The following TMUB1 variants were observed in gnomAD, a reference collection of about 807,000 sequenced individuals.
The protein encoded by TMUB1 is transmembrane and ubiquitin-like domain-containing protein 1.
A neutral mutation model predicts 16.2 loss-of-function variants in TMUB1; 9 were observed. The ratio of observed to expected loss-of-function variants is 0.55; its 90% CI spans 0.33 to 0.97. TMUB1 has a LOEUF of 0.97. Among genes scored for constraint, TMUB1 ranks in the 50% least tolerant of loss-of-function variants. The pLI is 0.03. For missense variants in TMUB1, 309 were observed against 313.5 expected (o/e 0.99, Z 0.11); for synonymous variants, 155 against 152.2 (o/e 1.02, Z -0.13).
In TMUB1 at chr7:151,082,624, G is replaced by A. The variant is rs893442744; in HGVS notation, c.-30-31C>T. 25 of 1,444,532 alleles carry A rather than the reference G, an allele frequency of 1.7e-5. No individual in the cohort carries two copies. In the Admixed American group the frequency reaches 3.5e-4, roughly 20 times the overall value. 89.5% of individuals were successfully genotyped at this position (1,444,532 alleles called of 1,614,324 possible). Reference sequence around the variant, plus strand: ...GAGGCACAAAGAGCCCGTGAGGCCCGGGCCCCCTGGCCAGGAGCCCTGGAA... The same window carrying A: ...GAGGCACAAAGAGCCCGTGAGGCCCAGGCCCCCTGGCCAGGAGCCCTGGAA... On this transcript the variant is annotated intron_variant, in intron 1 of 2. Coordinates refer to ENST00000297533, the MANE Select transcript of TMUB1 (RefSeq NM_001136044.2). This position sits in a 1 kb window ranked among gnomAD's most constrained non-coding sequence, Gnocchi z 7.0.
rs376064427 is a variant in TMUB1, at chr7:151,081,807, G to C, written c.483C>G (p.Leu161=). ...DDTQTLGSLH[L]PPNCVLHCHV... is the part of the protein sequence containing the mutation. Reference sequence around the variant, plus strand: ...GGCAGTGGAGAACGCAGTTGGGAGGGAGGTGAAGGCTGCCCAGGGTCTGGG... The same window carrying C: ...GGCAGTGGAGAACGCAGTTGGGAGGCAGGTGAAGGCTGCCCAGGGTCTGGG... The change falls in exon 3 of 3, where the codon CTC becomes CTG. Residue 161 remains leucine (L), a synonymous_variant. Coordinates refer to ENST00000297533, the MANE Select transcript of TMUB1 (RefSeq NM_001136044.2). This position sits in a 1 kb window ranked among gnomAD's most constrained non-coding sequence, Gnocchi z 7.6. 2 of 1,577,072 alleles carry C rather than the reference G, an allele frequency of 1.3e-6. No homozygotes were observed. The highest frequency in any genetic ancestry group is 8.6e-7 in the Non-Finnish European group (1 of 1,160,042).
rs373854929 is a variant in TMUB1, at chr7:151,082,525, G to A, written c.39C>T (p.Val13=). 116 of 1,536,400 alleles carry A rather than the reference G, an allele frequency of 7.6e-5. No individual in the cohort carries two copies. Among genetic ancestry groups the A allele is most frequent in the Non-Finnish European group, 9.7e-5 (111 of 1,140,732 alleles). Reference sequence around the variant, plus strand: ...GAAGGCAGGCAAGCACCGAGAAAAGGACGGTCACCTCATCACCCACCCCTT... The same window carrying A: ...GAAGGCAGGCAAGCACCGAGAAAAGAACGGTCACCTCATCACCCACCCCTT... ...LIEGVGDEVT[V]LFSVLACLLV... is the part of the protein sequence containing the mutation. The change falls in exon 2 of 3, where the codon GTC becomes GTT. Residue 13 remains valine, a synonymous_variant. Transcript: ENST00000297533. This position sits in a 1 kb window ranked among gnomAD's most constrained non-coding sequence, Gnocchi z 7.0.
At position 151,082,759 on chromosome 7, in the gene TMUB1, C is replaced by T; in HGVS notation, c.-30-166G>A. On this transcript the variant is annotated intron_variant, in intron 1 of 2. Coordinates refer to ENST00000297533, the MANE Select transcript of TMUB1 (RefSeq NM_001136044.2). The surrounding 1 kb of genome is among the most constrained non-coding windows in gnomAD (Gnocchi z 7.0). ...TTCTCTGCCTCCCAGTCGCCCCAAA[C>T]TTGCCTCCGGGTGCCCCTTCCCATC... is the stretch of plus-strand genomic sequence containing the variant. 3 of 483,990 alleles carry T rather than the reference C, an allele frequency of 6.2e-6. No individual in the cohort carries two copies. The highest frequency in any genetic ancestry group is 1.0e-5 in the Non-Finnish European group (3 of 299,698). 30.0% of individuals were successfully genotyped at this position (483,990 alleles called of 1,614,324 possible). A position where few individuals can be genotyped will look rare whatever the true frequency, so the allele number is the denominator to read the frequency against.
chr7:151,082,611 G>A lies in TMUB1; in HGVS notation c.-30-18C>T. On this transcript the variant is annotated intron_variant, in intron 1 of 2. Coordinates refer to ENST00000297533, the MANE Select transcript of TMUB1 (RefSeq NM_001136044.2). The surrounding 1 kb of genome is among the most constrained non-coding windows in gnomAD (Gnocchi z 7.0). ...CTACCGAGCTGGAGAGGCACAAAGA[G>A]CCCGTGAGGCCCGGGCCCCCTGGCC... 1 of 1,455,576 alleles carries A rather than the reference G, an allele frequency of 6.9e-7. No homozygotes were observed. Among genetic ancestry groups the A allele is most frequent in the Non-Finnish European group, 9.1e-7 (1 of 1,103,210 alleles). The allele number at this position is 1,455,576 out of a possible 1,614,324, so 90.2% of individuals were successfully genotyped here. A position where few individuals can be genotyped will look rare whatever the true frequency, so the allele number is the denominator to read the frequency against.
At position 151,081,539 on chromosome 7, in the gene TMUB1, C is replaced by G. The variant is rs1489719050; in HGVS notation, c.*10G>C. On this transcript the variant is annotated 3_prime_UTR_variant, in exon 3 of 3. Transcript: ENST00000297533. This position sits in a 1 kb window ranked among gnomAD's most constrained non-coding sequence, Gnocchi z 7.6. ...GGGGCCGGCGACGCTGCCAAGCGCC[C>G]GCGGAGGCACTACGGGCGGTACATG... The G allele has an allele frequency of 1.9e-6, 3 of 1,564,064 alleles. No individual in the cohort carries two copies. The highest frequency in any genetic ancestry group is 2.6e-6 in the Non-Finnish European group (3 of 1,152,392).
rs1174999220 is a variant in TMUB1, at chr7:151,082,923, A to C, written c.-30-330T>G. The C allele has an allele frequency of 4.5e-6, 1 of 223,856 alleles. No individual in the cohort carries two copies. The highest frequency in any genetic ancestry group is 8.7e-6 in the Non-Finnish European group (1 of 115,234). 13.9% of individuals were successfully genotyped at this position (223,856 alleles called of 1,614,324 possible). A position where few individuals can be genotyped will look rare whatever the true frequency, so the allele number is the denominator to read the frequency against. ...TCACCCCAACCAAACTTCACCCCCA[A>C]GCGTATCTATTCTCCTGCCCACTTC... On this transcript the variant is annotated intron_variant, in intron 1 of 2. Transcript: ENST00000297533. This position sits in a 1 kb window ranked among gnomAD's most constrained non-coding sequence, Gnocchi z 7.0.
Position 151,083,465 on chromosome 7 carries a change from TCGGGCACTTC to T in TMUB1, c.-72_-63del, listed in dbSNP as rs1195061155. ...GCTCCCCCAGCTCCATCGCGGCCCCTCGGGCACTTCCGGGCGGGAGGCGCGGAGGTCGCAG... is the reference window on the plus strand; with the variant it reads ...GCTCCCCCAGCTCCATCGCGGCCCCTCGGGCGGGAGGCGCGGAGGTCGCAG... On this transcript the variant is annotated 5_prime_UTR_variant, in exon 1 of 3. Coordinates refer to ENST00000297533, the MANE Select transcript of TMUB1 (RefSeq NM_001136044.2). The surrounding 1 kb of genome is among the most constrained non-coding windows in gnomAD (Gnocchi z 5.9). 6.6e-6 allele frequency: 1 copy of T among 152,154 alleles called. No individual in the cohort carries two copies. The highest frequency in any genetic ancestry group is 1.5e-5 in the Non-Finnish European group (1 of 68,012). The allele number at this position is 152,154 out of a possible 1,614,324, so 9.4% of individuals were successfully genotyped here. A position where few individuals can be genotyped will look rare whatever the true frequency, so the allele number is the denominator to read the frequency against.
In TMUB1 at chr7:151,082,006, C is replaced by A. The variant is rs867714418; in HGVS notation, c.390-106G>T. ...CCCCTGCCCTCCACAACACACCGGCCCTGGCCTGGGAGGGGCCGTCTGCCA... is the reference window on the plus strand; with the variant it reads ...CCCCTGCCCTCCACAACACACCGGCACTGGCCTGGGAGGGGCCGTCTGCCA... On this transcript the variant is annotated intron_variant, in intron 2 of 2. Coordinates refer to ENST00000297533, the MANE Select transcript of TMUB1 (RefSeq NM_001136044.2). The surrounding 1 kb of genome is among the most constrained non-coding windows in gnomAD (Gnocchi z 7.0). 7.1e-7 allele frequency: 1 copy of A among 1,399,782 alleles called. No homozygotes were observed. The highest frequency in any genetic ancestry group is 2.2e-4 in the Middle Eastern group (1 of 4,610). 86.7% of individuals were successfully genotyped at this position (1,399,782 alleles called of 1,614,324 possible).
rs1798021380 is a variant in TMUB1 at position 151,082,434 on chromosome 7, A to C, written c.130T>G (p.Ser44Ala). 6.2e-7 allele frequency: 1 copy of C among 1,608,804 alleles called. No homozygotes were observed. The highest frequency in any genetic ancestry group is 2.2e-5 in the East Asian group (1 of 44,648). Residue 44 changes from serine (S) to alanine (A), a missense_variant, in exon 2 of 3, where the codon TCA (serine) becomes GCA (alanine). By Grantham distance (99) the Ser-to-Ala change is moderately conservative. Coordinates refer to ENST00000297533, the MANE Select transcript of TMUB1 (RefSeq NM_001136044.2). The surrounding 1 kb of genome is among the most constrained non-coding windows in gnomAD (Gnocchi z 7.0). ...AEGGDPLPQP[S>A]GTPTPSQPSA... ...GGCTGGGATGGCGTTGGGGTCCCTG[A>C]CGGCTGGGGCAGTGGGTCCCCGCCC...
chr7:151,081,311 G>C lies in TMUB1; in HGVS notation c.*238C>G, dbSNP rs1417835093. The stretch of plus-strand genomic sequence containing the variant: ...GCGACAGCAGATGCCCGACCCCGAG[G>C]AGCCCACTCCCAGTGCGGGCTGAGG... On this transcript the variant is annotated 3_prime_UTR_variant, in exon 3 of 3. Transcript: ENST00000297533. The surrounding 1 kb of genome is among the most constrained non-coding windows in gnomAD (Gnocchi z 7.6). 4.7e-5 allele frequency: 28 copies of C among 592,846 alleles called. 2 individuals are homozygous for C. The South Asian group carries it at 2.2e-3, about 46-fold the overall frequency. 36.7% of individuals were successfully genotyped at this position (592,846 alleles called of 1,614,324 possible).
rs889018413 is a variant in TMUB1 at position 151,083,407 on chromosome 7, G to A, written c.-31+27C>T. On this transcript the variant is annotated intron_variant, in intron 1 of 2. Coordinates refer to ENST00000297533, the MANE Select transcript of TMUB1 (RefSeq NM_001136044.2). The surrounding 1 kb of genome is among the most constrained non-coding windows in gnomAD (Gnocchi z 5.9). Reference sequence around the variant, plus strand: ...CGACCGGGGCCCTGGGCGGCGGGGTGGGCGCGGTCACGGCGCGGGGACTCA... The same window carrying A: ...CGACCGGGGCCCTGGGCGGCGGGGTAGGCGCGGTCACGGCGCGGGGACTCA... 5 of 152,170 alleles carry A rather than the reference G, an allele frequency of 3.3e-5. No individual in the cohort carries two copies. Among genetic ancestry groups the A allele is most frequent in the East Asian group, 1.9e-4 (1 of 5,196 alleles). The allele number at this position is 152,170 out of a possible 1,614,324, so 9.4% of individuals were successfully genotyped here. A position where few individuals can be genotyped will look rare whatever the true frequency, so the allele number is the denominator to read the frequency against.
At position 151,081,817 on chromosome 7, in the gene TMUB1, C is replaced by T. The variant is rs770704315; in HGVS notation, c.473G>A (p.Ser158Asn). ...AACGCAGTTGGGAGGGAGGTGAAGG[C>T]TGCCCAGGGTCTGGGTGTCGTCGCC... Reference protein sequence around the residue: ...LLGDDTQTLGSLHLPPNCVLH... With the variant: ...LLGDDTQTLGNLHLPPNCVLH... Residue 158 changes from serine to asparagine, a missense_variant, in exon 3 of 3, where the codon AGC becomes AAC. Transcript: ENST00000297533. This position sits in a 1 kb window ranked among gnomAD's most constrained non-coding sequence, Gnocchi z 7.6. 222 of 1,564,918 alleles carry T rather than the reference C, an allele frequency of 1.4e-4. No individual in the cohort carries two copies. Among genetic ancestry groups the T allele is most frequent in the Non-Finnish European group, 1.7e-4 (198 of 1,153,770 alleles).
chr7:151,083,013 C>CT lies in TMUB1; in HGVS notation c.-31+420dup, dbSNP rs1393314749. On this transcript the variant is annotated intron_variant, in intron 1 of 2. Coordinates refer to ENST00000297533, the MANE Select transcript of TMUB1 (RefSeq NM_001136044.2). This position sits in a 1 kb window ranked among gnomAD's most constrained non-coding sequence, Gnocchi z 5.9. ...CTCATCTACTCCGCTGCTAAAGTTT[C>CT]TAAGAGGTGGGGGTAGAGCCTCTGT... 2 of 157,678 alleles carry CT rather than the reference C, an allele frequency of 1.3e-5. No homozygotes were observed. Among genetic ancestry groups the CT allele is most frequent in the African/African-American group, 4.8e-5 (2 of 41,636 alleles). 9.8% of individuals were successfully genotyped at this position (157,678 alleles called of 1,614,324 possible). A position where few individuals can be genotyped will look rare whatever the true frequency, so the allele number is the denominator to read the frequency against.
At position 151,082,627 on chromosome 7, in the gene TMUB1, C is replaced by A; in HGVS notation, c.-30-34G>T. ...GCACAAAGAGCCCGTGAGGCCCGGG[C>A]CCCCTGGCCAGGAGCCCTGGAACCT... On this transcript the variant is annotated intron_variant, in intron 1 of 2. Coordinates refer to ENST00000297533, the MANE Select transcript of TMUB1 (RefSeq NM_001136044.2). The surrounding 1 kb of genome is among the most constrained non-coding windows in gnomAD (Gnocchi z 7.0). 1 of 1,435,788 alleles carries A rather than the reference C, an allele frequency of 7.0e-7. No individual in the cohort carries two copies. The highest frequency in any genetic ancestry group is 1.5e-5 in the South Asian group (1 of 64,566). The allele number at this position is 1,435,788 out of a possible 1,614,324, so 88.9% of individuals were successfully genotyped here. A position where few individuals can be genotyped will look rare whatever the true frequency, so the allele number is the denominator to read the frequency against.
At position 151,082,781 on chromosome 7, in the gene TMUB1, C is replaced by T. The variant is rs1320328983; in HGVS notation, c.-30-188G>A. ...AAACTTGCCTCCGGGTGCCCCTTCC[C>T]ATCGCCGAATCCCAAGTCCTAACTT... On this transcript the variant is annotated intron_variant, in intron 1 of 2. Coordinates refer to ENST00000297533, the MANE Select transcript of TMUB1 (RefSeq NM_001136044.2). The surrounding 1 kb of genome is among the most constrained non-coding windows in gnomAD (Gnocchi z 7.0). The T allele has an allele frequency of 9.6e-6, 4 of 416,740 alleles. No homozygotes were observed. Among genetic ancestry groups the T allele is most frequent in the Non-Finnish European group, 1.7e-5 (4 of 239,804 alleles). 25.8% of individuals were successfully genotyped at this position (416,740 alleles called of 1,614,324 possible). A position where few individuals can be genotyped will look rare whatever the true frequency, so the allele number is the denominator to read the frequency against.
At position 151,082,001 on chromosome 7, in the gene TMUB1, C is replaced by A; in HGVS notation, c.390-101G>T. On this transcript the variant is annotated intron_variant, in intron 2 of 2. Transcript: ENST00000297533. The surrounding 1 kb of genome is among the most constrained non-coding windows in gnomAD (Gnocchi z 7.0). ...CCCTCCCCCTGCCCTCCACAACACACCGGCCCTGGCCTGGGAGGGGCCGTC... is the reference window on the plus strand; with the variant it reads ...CCCTCCCCCTGCCCTCCACAACACAACGGCCCTGGCCTGGGAGGGGCCGTC... 1 of 1,396,590 alleles carries A rather than the reference C, an allele frequency of 7.2e-7. No individual in the cohort carries two copies. The highest frequency in any genetic ancestry group is 1.5e-5 in the South Asian group (1 of 65,100). The allele number at this position is 1,396,590 out of a possible 1,614,324, so 86.5% of individuals were successfully genotyped here.
chr7:151,082,656 C>T lies in TMUB1; in HGVS notation c.-30-63G>A. On this transcript the variant is annotated intron_variant, in intron 1 of 2. Transcript: ENST00000297533. The surrounding 1 kb of genome is among the most constrained non-coding windows in gnomAD (Gnocchi z 7.0). ...CTGGCCAGGAGCCCTGGAACCTCCA[C>T]AGGGTCCTGCCCTCACCCCACCGCG... 40 of 1,369,820 alleles carry T rather than the reference C, an allele frequency of 2.9e-5. No individual in the cohort carries two copies. The highest frequency in any genetic ancestry group is 3.8e-5 in the Non-Finnish European group (40 of 1,040,816). The allele number at this position is 1,369,820 out of a possible 1,614,324, so 84.9% of individuals were successfully genotyped here. A position where few individuals can be genotyped will look rare whatever the true frequency, so the allele number is the denominator to read the frequency against.
Position 151,082,917 on chromosome 7 carries a change from C to G in TMUB1, c.-30-324G>C, listed in dbSNP as rs1798038740. The stretch of plus-strand genomic sequence containing the variant: ...TAAACTTCACCCCAACCAAACTTCA[C>G]CCCCAAGCGTATCTATTCTCCTGCC... On this transcript the variant is annotated intron_variant, in intron 1 of 2. Coordinates refer to ENST00000297533, the MANE Select transcript of TMUB1 (RefSeq NM_001136044.2). The surrounding 1 kb of genome is among the most constrained non-coding windows in gnomAD (Gnocchi z 7.0). 1 of 237,694 alleles carries G rather than the reference C, an allele frequency of 4.2e-6. No homozygotes were observed. Among genetic ancestry groups the G allele is most frequent in the South Asian group, 1.6e-4 (1 of 6,114 alleles). 14.7% of individuals were successfully genotyped at this position (237,694 alleles called of 1,614,324 possible).
In TMUB1 at chr7:151,082,432, T is replaced by C; in HGVS notation, c.132A>G (p.Ser44=). ...AEGGDPLPQP[S]GTPTPSQPSA... is the part of the protein sequence containing the mutation. The stretch of plus-strand genomic sequence containing the variant: ...TGGGCTGGGATGGCGTTGGGGTCCC[T>C]GACGGCTGGGGCAGTGGGTCCCCGC... The change falls in exon 2 of 3, where the codon TCA becomes TCG. Residue 44 remains serine (S), a synonymous_variant. Coordinates refer to ENST00000297533, the MANE Select transcript of TMUB1 (RefSeq NM_001136044.2). The surrounding 1 kb of genome is among the most constrained non-coding windows in gnomAD (Gnocchi z 7.0). 2 of 1,608,950 alleles carry C rather than the reference T, an allele frequency of 1.2e-6. No homozygotes were observed. The highest frequency in any genetic ancestry group is 1.7e-6 in the Non-Finnish European group (2 of 1,177,236).
Sources: allele counts gnomAD v4.1 joint callset, GRCh38; gene constraint gnomAD v4.1.1; non-coding constraint Gnocchi (gnomAD v3.1); transcripts MANE v1.5; gene names NCBI Gene and HGNC (gene_info 2026-07-23, HGNC 2026-07-21).